Variants in ZNF568 observed in about 807,000 individuals in gnomAD.
ZNF568 encodes the protein zinc finger protein 568.
ZNF568 carries 11 observed loss-of-function variants against 18.1 expected under a neutral mutation model. The observed-to-expected ratio is 0.61, with a 90% CI of 0.38 to 1.00. ZNF568 has a LOEUF of 1.00. ZNF568 is among the 50% of genes least tolerant of loss of function. The probability of loss-of-function intolerance (pLI) is 0.01; values close to 1 mark genes in which losing one functional copy is unlikely to be tolerated. For missense variants in ZNF568, 639 were observed against 768.2 expected (o/e 0.83, Z 1.99); for synonymous variants, 213 against 246.6 (o/e 0.86, Z 1.28).
At position 36,917,269 on chromosome 19, in the gene ZNF568, G is replaced by T. The variant is rs560910778; in HGVS notation, c.-255-310G>T. 3.9e-5 allele frequency among the ~76,000 whole-genome samples: 6 copies of T among 152,308 alleles called. No homozygotes were observed. In the South Asian group the frequency reaches 1.2e-3, roughly 32 times the overall value. ...GACATTTGTTGCCAGGGCATGCTCTGCTCCTGATGGGTCACCAGAGCGCAA... is the reference window on the plus strand; with the variant it reads ...GACATTTGTTGCCAGGGCATGCTCTTCTCCTGATGGGTCACCAGAGCGCAA... On this transcript the variant is annotated intron_variant, in intron 1 of 6. Coordinates refer to ENST00000333987, the MANE Select transcript of ZNF568 (RefSeq NM_198539.4).
chr19:36,925,649 T>C (rs1366437990), intron 4 of ZNF568, among the ~76,000 whole-genome samples: 2 of 151,474 alleles, frequency 1.3e-5, no homozygotes, highest in African/African-American at 4.9e-5. Context: ...TCTGCATCCA[T>C]AGATTGAACC....
chr19:36,933,924 G>GTTTTTTTTTT (rs140279289), intron 4 of ZNF568, among the ~76,000 whole-genome samples: 6 of 29,958 alleles, frequency 2.0e-4, no homozygotes, highest in African/African-American at 8.7e-4. Flanking sequence ...TTGTTTTTTT[G>GTTTTTTTTTT]TTTTTTTTTT....
chr19:36,957,784 A>G (rs1321040028), intron 6 of ZNF568, among the ~76,000 whole-genome samples: 1 of 152,252 alleles, frequency 6.6e-6, no homozygotes, highest in Admixed American at 6.5e-5. Flanking sequence ...AGGCCATGAA[A>G]GTACTGGGAA....
intron 3 of ZNF568, among the ~76,000 whole-genome samples, chr19:36,923,989 A>G (rs1024265431): frequency 4.6e-5 from 7 of 152,116 alleles, no homozygotes; most frequent in African/African-American, 1.7e-4. Context: ...TATGAGTTTT[A>G]GCCTCCTTTT....
chr19:36,951,872 C>G lies in ZNF568; in HGVS notation c.*784C>G, dbSNP rs114872117. The G allele has an allele frequency of 0.011, 9,456 of 883,252 alleles. 62 individuals carry two copies. The highest frequency in any genetic ancestry group is 0.025 in the African/African-American group (1,402 of 54,992). The allele number at this position is 883,252 out of a possible 1,614,324, so 54.7% of individuals were successfully genotyped here. ...TTGAACTCCTGACTTCAAAAGTGAT[C>G]GCCCTCTTTGGCCTCCCAAAGTGCT... On this transcript the variant is annotated 3_prime_UTR_variant, in exon 7 of 7. Coordinates refer to ENST00000333987, the MANE Select transcript of ZNF568 (RefSeq NM_198539.4).
At chr19:36,992,502 G>GA (rs1310857916) in intron 4 of ZNF568, among the ~76,000 whole-genome samples, 1 of 150,380 alleles carries the variant, frequency 6.6e-6, no homozygotes, top group Non-Finnish European at 1.5e-5. Flanking sequence ...ACTCCATCTT[G>GA]AAAAAAAAAG....
chr19:36,997,069 T>G (rs755144356), exon 5 of ZNF568: 1 of 1,567,858 alleles, frequency 6.4e-7, no homozygotes, highest in South Asian at 1.2e-5. Context: ...TGGAAAGGCT[T>G]TTCGTTATGA....
At position 36,946,187 on chromosome 19, in the gene ZNF568, G is replaced by A. The variant is rs556604538; in HGVS notation, c.359-3325G>A. ...GCAGGAATTGGTGTTTCAGGGACAG[G>A]GTGGAATCTGGACTTCCGCTGCTGT... On this transcript the variant is annotated intron_variant, in intron 6 of 6. Coordinates refer to ENST00000333987, the MANE Select transcript of ZNF568 (RefSeq NM_198539.4). Among the ~76,000 whole-genome samples, 6 of 152,130 alleles carry A rather than the reference G, an allele frequency of 3.9e-5. No individual in the cohort carries two copies. In the East Asian group the frequency reaches 9.7e-4, roughly 25 times the overall value.
chr19:36,968,797 CA>C (rs1568401391), intron 6 of ZNF568, among the ~76,000 whole-genome samples: 2 of 148,846 alleles, frequency 1.3e-5, no homozygotes, highest in Non-Finnish European at 3.0e-5. Context: ...GAGAGAGAAT[CA>C]AAAGTGGCAA....
intron 6 of ZNF568, among the ~76,000 whole-genome samples, chr19:36,968,654 A>G (rs955960778): frequency 4.6e-5 from 7 of 151,554 alleles, no homozygotes; most frequent in African/African-American, 9.7e-5. Flanking sequence ...TAAAAAGGGG[A>G]AAAATAACTA....
chr19:36,951,924 C>T lies in ZNF568; in HGVS notation c.*836C>T. 2.0e-6 allele frequency: 2 copies of T among 984,134 alleles called. No homozygotes were observed. Among genetic ancestry groups the T allele is most frequent in the Non-Finnish European group, 2.4e-6 (2 of 829,684 alleles). 61.0% of individuals were successfully genotyped at this position (984,134 alleles called of 1,614,324 possible). On this transcript the variant is annotated 3_prime_UTR_variant, in exon 7 of 7. Coordinates refer to ENST00000333987, the MANE Select transcript of ZNF568 (RefSeq NM_198539.4). ...GGGTTTACAGGCTTGAGCCACTGCA[C>T]CTGGCCAAAAAATTAACATTCTAAA...
chr19:36,939,532 CTTTTTTTTTTTTTTTT>C (rs386388962), intron 6 of ZNF568, among the ~76,000 whole-genome samples: 1 of 93,084 alleles, frequency 1.1e-5, no homozygotes, highest in African/African-American at 4.3e-5. Context: ...TATTTTCTTT[CTTTTTTTTTTTTTTTT>C]TTTTTTTTTG....
chr19:36,985,884 T>G (rs2074372335), intron 2 of ZNF568, among the ~76,000 whole-genome samples: 1 of 152,190 alleles, frequency 6.6e-6, no homozygotes, highest in African/African-American at 2.4e-5. Flanking sequence ...GTTAACCATT[T>G]TCAAGTGCAT....
rs2073799140 is a variant in ZNF568, at chr19:36,936,875, A to G, written c.262+3A>G. On this transcript the variant is annotated splice_donor_region_variant and intron_variant, in intron 5 of 6. Transcript: ENST00000333987. ...CTACAGCAACCTAGTCACAGTGGGT[A>G]AGGTGGCTTGGTAGCCTTGCAATTT... 9 of 1,612,310 alleles carry G rather than the reference A, an allele frequency of 5.6e-6. No individual in the cohort carries two copies. Among genetic ancestry groups the G allele is most frequent in the Non-Finnish European group, 7.6e-6 (9 of 1,178,678 alleles).
intron 3 of ZNF568, among the ~76,000 whole-genome samples, chr19:36,924,766 G>C (rs576649104): frequency 1.3e-5 from 2 of 151,288 alleles, no homozygotes; most frequent in East Asian, 4.0e-4. Flanking sequence ...GGGAGGCAGA[G>C]GTTGCAGTAA....
chr19:36,961,318 A>G (rs1254102577), intron 6 of ZNF568, among the ~76,000 whole-genome samples: 1 of 145,904 alleles, frequency 6.9e-6, no homozygotes, highest in East Asian at 2.0e-4. Flanking sequence ...AAAACTCTTT[A>G]ATCTATTAGA....
exon 5 of ZNF568, chr19:36,996,971 C>A (rs1667364): frequency 0.53 from 810,912 of 1,539,938 alleles, 216,018 homozygotes; most frequent in African/African-American, 0.61. Context: ...GAAAGTAAGG[C>A]GTGTGGGAAG....
chr19:36,934,909 C>T (rs1006706305), intron 4 of ZNF568, among the ~76,000 whole-genome samples: 2 of 148,354 alleles, frequency 1.3e-5, no homozygotes, highest in Non-Finnish European at 1.5e-5. Context: ...AAGGAACATA[C>T]TTTACACAAT....
At chr19:36,967,069 G>A (rs757339179) in intron 6 of ZNF568, among the ~76,000 whole-genome samples, 4 of 152,190 alleles carry the variant, frequency 2.6e-5, no homozygotes, top group Non-Finnish European at 5.9e-5. Flanking sequence ...ACCTGGCAAC[G>A]TAGCAAACTT....
Sources: gnomAD v4.1 joint callset for allele counts (sites outside exome capture counted in the v4.1 genomes callset) on GRCh38, gnomAD v4.1.1 for gene constraint, MANE v1.5 for transcripts, NCBI Gene and HGNC (gene_info 2026-07-23, HGNC 2026-07-21) for gene names.